GRID2: variants seen among roughly 807,000 people sequenced by gnomAD.
GRID2 encodes the protein glutamate ionotropic receptor delta type subunit 2, also known as glutamate receptor ionotropic, delta-2.
A neutral mutation model predicts 114.8 loss-of-function variants in GRID2; 33 were observed. The observed-to-expected ratio is 0.29, with a 90% CI of 0.22 to 0.38. The LOEUF is 0.38. Among genes scored for constraint, GRID2 ranks in the 10% least tolerant of loss-of-function variants. The pLI is 1.00. For missense variants in GRID2, 1,184 were observed against 1,257.7 expected (o/e 0.94, Z 0.89); for synonymous variants, 505 against 449.9 (o/e 1.12, Z -1.55).
At chr4:93,385,538 C>G (rs1207255962) in intron 8 of GRID2, among the ~76,000 whole-genome samples, 3 of 152,116 alleles carry the variant, frequency 2.0e-5, no homozygotes, top group African/African-American at 7.2e-5. Flanking sequence ...TAGGCCTGTT[C>G]CATGTGCTTG....
intron 8 of GRID2, among the ~76,000 whole-genome samples, chr4:93,242,183 C>T (rs1384594634): frequency 6.6e-6 from 1 of 151,888 alleles, no homozygotes; most frequent in African/African-American, 2.4e-5. Context: ...GCAAGATTAT[C>T]TTCTAATTGG....
chr4:93,001,445 T>C (rs1331070884), intron 2 of GRID2, among the ~76,000 whole-genome samples: 2 of 151,660 alleles, frequency 1.3e-5, no homozygotes, highest in African/African-American at 2.4e-5. Flanking sequence ...ATATGAATTA[T>C]TATAGGAGTC....
chr4:93,558,242 C>T (rs1014507449), intron 13 of GRID2, among the ~76,000 whole-genome samples: 1 of 152,018 alleles, frequency 6.6e-6, no homozygotes, highest in African/African-American at 2.4e-5. Context: ...AAGATCAGAG[C>T]ACAACTGAAG....
chr4:92,919,837 G>T (rs939870085), intron 2 of GRID2, among the ~76,000 whole-genome samples: 4 of 152,172 alleles, frequency 2.6e-5, no homozygotes, highest in South Asian at 2.1e-4. Flanking sequence ...TGTTGATTTG[G>T]GGTGGAGAGT....
intron 14 of GRID2, among the ~76,000 whole-genome samples, chr4:93,711,879 T>G (rs183102172): frequency 6.6e-6 from 1 of 152,326 alleles, no homozygotes; most frequent in African/African-American, 2.4e-5. Flanking sequence ...ACCTGATGTT[T>G]TAATCTTATG....
intron 2 of GRID2, among the ~76,000 whole-genome samples, chr4:92,984,422 C>T (rs1043821346): frequency 3.3e-5 from 5 of 152,206 alleles, no homozygotes; most frequent in Admixed American, 6.5e-5. Flanking sequence ...TACAATTTTT[C>T]TGTGATATAG....
At chr4:92,753,386 G>A (rs1737548676) in intron 2 of GRID2, among the ~76,000 whole-genome samples, 1 of 152,124 alleles carries the variant, frequency 6.6e-6, no homozygotes, top group South Asian at 2.1e-4. Flanking sequence ...TATTCAAAGG[G>A]GATGAGTGTA....
At chr4:93,704,419 G>A (rs1195761549) in intron 14 of GRID2, among the ~76,000 whole-genome samples, 1 of 152,028 alleles carries the variant, frequency 6.6e-6, no homozygotes, top group Non-Finnish European at 1.5e-5. Context: ...TGAGTAGGTT[G>A]CAAAAATTTT....
At chr4:93,269,203 C>T (rs1329646232) in intron 8 of GRID2, among the ~76,000 whole-genome samples, 1 of 150,964 alleles carries the variant, frequency 6.6e-6, no homozygotes, top group Non-Finnish European at 1.5e-5. Context: ...AATCTTTTTG[C>T]ACATTAAAAT....
At chr4:93,228,337 C>G (rs1745737523) in intron 7 of GRID2, among the ~76,000 whole-genome samples, 1 of 152,124 alleles carries the variant, frequency 6.6e-6, no homozygotes, top group African/African-American at 2.4e-5. Flanking sequence ...ACTCTTGTGA[C>G]AATTAACCCA....
chr4:92,869,407 G>A (rs1487147940), intron 2 of GRID2, among the ~76,000 whole-genome samples: 1 of 152,116 alleles, frequency 6.6e-6, no homozygotes, highest in African/African-American at 2.4e-5. Context: ...AGGTCCACAT[G>A]GATATAATGA....
At chr4:92,423,140 G>T (rs559279926) in intron 1 of GRID2, among the ~76,000 whole-genome samples, 1 of 152,128 alleles carries the variant, frequency 6.6e-6, no homozygotes, top group Admixed American at 6.6e-5. Flanking sequence ...CATGAAAAAT[G>T]ATAGCTCAAA....
intron 14 of GRID2, among the ~76,000 whole-genome samples, chr4:93,672,909 A>T (rs1724552665): frequency 6.6e-6 from 1 of 152,186 alleles, no homozygotes; most frequent in African/African-American, 2.4e-5. Flanking sequence ...ATGTAAAAGG[A>T]TGATAAGGAG....
chr4:92,528,299 G>GTGTA (rs376712935), intron 1 of GRID2, among the ~76,000 whole-genome samples: 8 of 147,962 alleles, frequency 5.4e-5, no homozygotes, highest in African/African-American at 2.0e-4. Flanking sequence ...TATATTTTGA[G>GTGTA]TATATATATA....
chr4:92,341,522 C>T (rs1727487323), intron 1 of GRID2, among the ~76,000 whole-genome samples: 1 of 152,096 alleles, frequency 6.6e-6, no homozygotes, highest in South Asian at 2.1e-4. Flanking sequence ...CCCAAGGCCA[C>T]TCAATAATAA....
rs572330822 is a variant in GRID2 at position 93,589,350 on chromosome 4, A to G, written c.2194-36919A>G. Among the ~76,000 whole-genome samples the G allele has an allele frequency of 4.8e-3, 722 of 151,436 alleles. 5 individuals are homozygous for G. The highest frequency in any genetic ancestry group is 0.017 in the African/African-American group (695 of 41,206). ...AGTTTACTGAGAATGATGGTTTCCA[A>G]TTTCATCCATGTCCCTACAAAGGAC... On this transcript the variant is annotated intron_variant, in intron 13 of 15. Coordinates refer to ENST00000282020, the MANE Select transcript of GRID2 (RefSeq NM_001510.4).
At chr4:93,191,742 G>A (rs1343662259) in intron 4 of GRID2, among the ~76,000 whole-genome samples, 1 of 151,980 alleles carries the variant, frequency 6.6e-6, no homozygotes, top group Non-Finnish European at 1.5e-5. Flanking sequence ...AATCTGCCCT[G>A]CCATATCAAT....
At chr4:93,238,516 C>A in intron 8 of GRID2, 26 bp downstream of exon 8, 4 of 1,591,804 alleles carry the variant, frequency 2.5e-6, no homozygotes, top group Non-Finnish European at 3.4e-6. Flanking sequence ...CTGATTAATA[C>A]GCTTTTTCCT....
intron 14 of GRID2, among the ~76,000 whole-genome samples, chr4:93,759,026 T>C (rs779594863): frequency 1.3e-5 from 2 of 152,172 alleles, no homozygotes; most frequent in African/African-American, 2.4e-5. Context: ...CTCTAGCATC[T>C]TTCTGGCTTG....
Sources: allele counts gnomAD v4.1 joint callset (sites outside exome capture counted in the v4.1 genomes callset), GRCh38; gene constraint gnomAD v4.1.1; transcripts MANE v1.5; gene names NCBI Gene and HGNC (gene_info 2026-07-23, HGNC 2026-07-21).